Variants in RNF220 observed in about 807,000 individuals in gnomAD.
The protein encoded by RNF220 is E3 ubiquitin-protein ligase RNF220.
In RNF220, 7 loss-of-function variants were observed where a neutral mutation model predicts 67.1. The ratio of observed to expected loss-of-function variants is 0.10; its 90% CI spans 0.06 to 0.20. The LOEUF (loss-of-function observed/expected upper bound fraction) is 0.20, where lower values mean the gene tolerates loss of function less well. Among genes scored for constraint, RNF220 ranks in the 10% least tolerant of loss-of-function variants. The pLI is 1.00. For synonymous variants in RNF220, 270 were observed against 283.2 expected (o/e 0.95, Z 0.47); for missense variants, 565 against 740.3 (o/e 0.76, Z 2.75).
At chr1:44,605,789 T>C (rs1667234535) in intron 2 of RNF220, among the ~76,000 whole-genome samples, 1 of 152,214 alleles carries the variant, frequency 6.6e-6, no homozygotes, top group Non-Finnish European at 1.5e-5. Context: ...AACTAGCCCC[T>C]GTCCTATCCT....
chr1:44,487,687 TAATAATAATA>T (rs1656437091), intron 2 of RNF220, among the ~76,000 whole-genome samples: 2 of 136,296 alleles, frequency 1.5e-5, no homozygotes, highest in African/African-American at 5.1e-5. Context: ...ATAATAATAA[TAATAATAATA>T]ATAATAATAA....
intron 2 of RNF220, among the ~76,000 whole-genome samples, chr1:44,494,473 T>TA (rs913629481): frequency 3.9e-5 from 6 of 152,110 alleles, no homozygotes; most frequent in African/African-American, 1.2e-4. Flanking sequence ...GGGAGCAGGT[T>TA]AAAAAAATCA....
intron 2 of RNF220, among the ~76,000 whole-genome samples, chr1:44,445,648 C>T (rs2147911957): frequency 6.6e-6 from 1 of 152,334 alleles, no homozygotes; most frequent in Middle Eastern, 3.4e-3. Flanking sequence ...AATACCTGCA[C>T]ATCTTCTGAA....
chr1:44,470,175 T>C (rs1271717482), intron 2 of RNF220, among the ~76,000 whole-genome samples: 1 of 152,194 alleles, frequency 6.6e-6, no homozygotes, highest in East Asian at 1.9e-4. Context: ...AAGTGAGAGA[T>C]GTTAGGAAGT....
chr1:44,525,427 A>C (rs1660293104), intron 2 of RNF220, among the ~76,000 whole-genome samples: 1 of 152,210 alleles, frequency 6.6e-6, no homozygotes, highest in African/African-American at 2.4e-5. Context: ...TGGTTGAATG[A>C]ACCAACCAAC....
Position 44,624,498 on chromosome 1 carries a change from A to G in RNF220, c.804+1711A>G, listed in dbSNP as rs1042843726. ...AACCACAGACACAGGCATACTGACC[A>G]TGAGACACAGAGATAAGGGACACTT... On this transcript the variant is annotated intron_variant, in intron 4 of 14. Transcript: ENST00000361799. The surrounding 1 kb of genome is among the most constrained non-coding windows in gnomAD (Gnocchi z 4.2). 6.6e-6 allele frequency among the ~76,000 whole-genome samples: 1 copy of G among 152,238 alleles called. No homozygotes were observed. The highest frequency in any genetic ancestry group is 2.4e-5 in the African/African-American group (1 of 41,456).
intron 2 of RNF220, among the ~76,000 whole-genome samples, chr1:44,561,835 C>G (rs745350841): frequency 4.6e-5 from 7 of 151,976 alleles, no homozygotes; most frequent in Non-Finnish European, 8.8e-5. Flanking sequence ...GAGAATCACT[C>G]GAACTCAGGA....
At chr1:44,554,773 C>T (rs995189053) in intron 2 of RNF220, among the ~76,000 whole-genome samples, 5 of 152,096 alleles carry the variant, frequency 3.3e-5, no homozygotes, top group African/African-American at 7.2e-5. Flanking sequence ...TAGAAGGCAA[C>T]GGCCCTCCCA....
At chr1:44,474,514 G>A (rs1033813687) in intron 2 of RNF220, among the ~76,000 whole-genome samples, 2 of 151,762 alleles carry the variant, frequency 1.3e-5, no homozygotes, top group Non-Finnish European at 2.9e-5. Flanking sequence ...TTCAAGACCA[G>A]CATGGGCTGC....
Position 44,649,471 on chromosome 1 carries a change from G to T in RNF220, c.1446-190G>T. The T allele has an allele frequency of 1.6e-6, 1 of 607,824 alleles. No individual in the cohort carries two copies. 37.7% of individuals were successfully genotyped at this position (607,824 alleles called of 1,614,324 possible). A position where few individuals can be genotyped will look rare whatever the true frequency, so the allele number is the denominator to read the frequency against. ...AGAAATTCATCCGAATGGGAATGGAGGAATAGAGAGGGTGAGGAGTTTAGT... is the reference window on the plus strand; with the variant it reads ...AGAAATTCATCCGAATGGGAATGGATGAATAGAGAGGGTGAGGAGTTTAGT... On this transcript the variant is annotated intron_variant, in intron 12 of 14. Transcript: ENST00000361799. The surrounding 1 kb of genome is among the most constrained non-coding windows in gnomAD (Gnocchi z 5.9).
At chr1:44,627,621 A>G (rs1435070600) in intron 5 of RNF220, among the ~76,000 whole-genome samples, 1 of 152,190 alleles carries the variant, frequency 6.6e-6, no homozygotes, top group Non-Finnish European at 1.5e-5. Context: ...CCCTGTCTTT[A>G]AGAACCCCAG....
chr1:44,486,119 G>A (rs1395052266), intron 2 of RNF220, among the ~76,000 whole-genome samples: 1 of 152,034 alleles, frequency 6.6e-6, no homozygotes, highest in African/African-American at 2.4e-5. Context: ...CTTGGGGAAG[G>A]AACAGTCTCC....
intron 2 of RNF220, among the ~76,000 whole-genome samples, chr1:44,494,320 T>C (rs948236289): frequency 4.6e-5 from 7 of 152,042 alleles, no homozygotes; most frequent in Non-Finnish European, 8.8e-5. Context: ...GACAATCTAT[T>C]AGACTTGCTA....
intron 2 of RNF220, among the ~76,000 whole-genome samples, chr1:44,609,158 G>T (rs1667483467): frequency 6.6e-6 from 1 of 151,940 alleles, no homozygotes; most frequent in African/African-American, 2.4e-5. Flanking sequence ...CAGGGGTTGG[G>T]GTAGGACACA....
At chr1:44,495,396 A>G (rs1024528296) in intron 2 of RNF220, among the ~76,000 whole-genome samples, 5 of 152,246 alleles carry the variant, frequency 3.3e-5, no homozygotes, top group African/African-American at 1.2e-4. Flanking sequence ...GATGATCTCT[A>G]AGACTGCTTT....
At chr1:44,644,260 A>G (rs1437455452) in intron 8 of RNF220, 1 of 162,586 alleles carries the variant, frequency 6.2e-6, no homozygotes, top group East Asian at 1.8e-4. Context: ...GATTGGCCTT[A>G]GCCAGCCTGT....
chr1:44,456,815 C>T (rs1462781120), intron 2 of RNF220, among the ~76,000 whole-genome samples: 5 of 152,164 alleles, frequency 3.3e-5, no homozygotes, highest in Admixed American at 6.5e-5. Context: ...GTCTAGCCCT[C>T]TCCCTCTCTG....
chr1:44,538,158 C>G (rs1323288681), intron 2 of RNF220, among the ~76,000 whole-genome samples: 1 of 152,168 alleles, frequency 6.6e-6, no homozygotes, highest in African/African-American at 2.4e-5. Flanking sequence ...AAATGCTGTA[C>G]AGGACAAAGG....
At chr1:44,522,199 G>A (rs1217903809) in intron 2 of RNF220, among the ~76,000 whole-genome samples, 1 of 152,216 alleles carries the variant, frequency 6.6e-6, no homozygotes, top group Non-Finnish European at 1.5e-5. Context: ...ATCACATGAT[G>A]GAAGGATGGT....
Sources: gnomAD v4.1 joint callset for allele counts (sites outside exome capture counted in the v4.1 genomes callset) on GRCh38, gnomAD v4.1.1 for gene constraint, Gnocchi (gnomAD v3.1) non-coding constraint, MANE v1.5 for transcripts, NCBI Gene and HGNC (gene_info 2026-07-23, HGNC 2026-07-21) for gene names.